The following ZIC2 variants were observed in gnomAD, a reference collection of about 807,000 sequenced individuals.
ZIC2 encodes zinc finger protein ZIC 2.
Under a neutral mutation model 29.5 loss-of-function variants are expected in ZIC2, and 7 were observed. The observed-to-expected ratio is 0.24, with a 90% CI of 0.14 to 0.45. The LOEUF is 0.45. Ranked by LOEUF, ZIC2 falls within the 20% of genes least tolerant of loss-of-function variation. ZIC2 has a pLI of 1.00. For missense variants in ZIC2, 589 were observed against 781.2 expected, an observed-to-expected ratio of 0.75 and a Z score of 2.93; for synonymous variants, 408 against 354.2, an observed-to-expected ratio of 1.15 and a Z score of -1.70.
chr13:99,986,006 G>C lies in ZIC2; in HGVS notation c.*324G>C, dbSNP rs755996440. On this transcript the variant is annotated 3_prime_UTR_variant, in exon 3 of 3. Transcript: ENST00000376335. Reference sequence around the variant, plus strand: ...CCATGCCCACGTTCTTTCCCACCCTGTTCCCAGTCTTCTGACAAACTGTGT... The same window carrying C: ...CCATGCCCACGTTCTTTCCCACCCTCTTCCCAGTCTTCTGACAAACTGTGT... 8 of 454,582 alleles carry C rather than the reference G, an allele frequency of 1.8e-5. No individual in the cohort carries two copies. Among genetic ancestry groups the C allele is most frequent in the South Asian group, 1.3e-4 (8 of 63,926 alleles). 28.2% of individuals were successfully genotyped at this position (454,582 alleles called of 1,614,324 possible). A position where few individuals can be genotyped will look rare whatever the true frequency, so the allele number is the denominator to read the frequency against.
In ZIC2 at chr13:99,982,452, G is replaced by C. The variant is rs1159936957; in HGVS notation, c.388G>C (p.Ala130Pro). ...CCGCAGCCGCGGCTTCGGGGACTCG[G>C]CGCCGGGCGGCGGGCAGCACGGGCT... ...LFRSRGFGDS[A>P]PGGGQHGLFG... The change falls in exon 1 of 3, where the codon GCG becomes CCG. Residue 130 changes from alanine to proline, a missense_variant. Around this residue, in one of 7 missense-constraint regions of ZIC2, gnomAD observed 358 missense variants for 382.0 expected, o/e 0.94. Coordinates refer to ENST00000376335, the MANE Select transcript of ZIC2 (RefSeq NM_007129.5). 1.4e-6 allele frequency: 2 copies of C among 1,429,320 alleles called. No homozygotes were observed. Among genetic ancestry groups the C allele is most frequent in the East Asian group, 5.8e-5 (2 of 34,562 alleles). The allele number at this position is 1,429,320 out of a possible 1,614,324, so 88.5% of individuals were successfully genotyped here. A position where few individuals can be genotyped will look rare whatever the true frequency, so the allele number is the denominator to read the frequency against.
rs2053257624 is a variant in ZIC2 at position 99,985,156 on chromosome 13, G to T, written c.1239+47G>T. The T allele has an allele frequency of 6.2e-7, 1 of 1,612,736 alleles. No homozygotes were observed. Among genetic ancestry groups the T allele is most frequent in the African/African-American group, 1.3e-5 (1 of 74,908 alleles). On this transcript the variant is annotated intron_variant, in intron 2 of 2. Transcript: ENST00000376335. The surrounding 1 kb of genome is among the most constrained non-coding windows in gnomAD (Gnocchi z 6.3). The stretch of plus-strand genomic sequence containing the variant: ...GGAGGGCGAGGCAGGCCGAGGCGCC[G>T]GTGCAGCACTGGCCCGGACCACCTC...
rs770467365 is a variant in ZIC2 at position 99,982,553 on chromosome 13, A to G, written c.489A>G (p.Pro163=). 7.1e-5 allele frequency: 110 copies of G among 1,551,774 alleles called. No individual in the cohort carries two copies. Among genetic ancestry groups the G allele is most frequent in the Non-Finnish European group, 8.4e-5 (97 of 1,152,840 alleles). Residue 163 remains proline (P), a synonymous_variant, in exon 1 of 3, where the codon CCA becomes CCG. Transcript: ENST00000376335. ...AQGHLLFPGL[P]EQHGPHGSQN... ...GCCACCTCCTCTTCCCGGGCCTGCC[A>G]GAGCAGCACGGGCCGCACGGCTCGC...
chr13:99,985,556 C>T lies in ZIC2; in HGVS notation c.1473C>T (p.Gly491=), dbSNP rs1437674634. 10 of 990,880 alleles carry T rather than the reference C, an allele frequency of 1.0e-5. No homozygotes were observed. Among genetic ancestry groups the T allele is most frequent in the Non-Finnish European group, 1.2e-5 (10 of 835,730 alleles). The allele number at this position is 990,880 out of a possible 1,614,324, so 61.4% of individuals were successfully genotyped here. Residue 491 remains glycine (G), a synonymous_variant, in exon 3 of 3, where the codon GGC becomes GGT. Coordinates refer to ENST00000376335, the MANE Select transcript of ZIC2 (RefSeq NM_007129.5). This position sits in a 1 kb window ranked among gnomAD's most constrained non-coding sequence, Gnocchi z 6.3. ...GSGGAGGGSG[G]GSGSGGGGGG... ...GCGGCGCGGGAGGCGGCTCAGGCGG[C>T]GGCAGCGGCAGTGGCGGGGGCGGCG...
rs771187329 is a variant in ZIC2, at chr13:99,983,049, G to A, written c.985G>A (p.Gly329Ser). The change falls in exon 1 of 3, where the codon GGC (glycine) becomes AGC (serine). Residue 329 changes from glycine to serine, a missense_variant. This residue lies in a region of ZIC2 where 33 missense variants were observed against 106.0 expected (regional missense o/e 0.31). Transcript: ENST00000376335. This position sits in a 1 kb window ranked among gnomAD's most constrained non-coding sequence, Gnocchi z 4.7. ...GGTCAACCACATCCGCGTGCACACAGGCGAGAAACCCTTCCCCTGCCCCTT... is the reference window on the plus strand; with the variant it reads ...GGTCAACCACATCCGCGTGCACACAAGCGAGAAACCCTTCCCCTGCCCCTT... ...KLVNHIRVHT[G>S]EKPFPCPFPG... 1 of 1,614,154 alleles carries A rather than the reference G, an allele frequency of 6.2e-7. No individual in the cohort carries two copies. Among genetic ancestry groups the A allele is most frequent in the South Asian group, 1.1e-5 (1 of 91,084 alleles).
Position 99,985,733 on chromosome 13 carries a change from C to T in ZIC2, c.*51C>T, listed in dbSNP as rs544697461. On this transcript the variant is annotated 3_prime_UTR_variant, in exon 3 of 3. Transcript: ENST00000376335. The surrounding 1 kb of genome is among the most constrained non-coding windows in gnomAD (Gnocchi z 6.3). ...CTGTCCCCACCCCAGCGCAGCAGCC[C>T]TCCCCGCAGCTAGCAGCGAGGGCAC... The T allele has an allele frequency of 1.5e-5, 17 of 1,126,946 alleles. No individual in the cohort carries two copies. In the African/African-American group the frequency reaches 2.0e-4, roughly 13 times the overall value. The allele number at this position is 1,126,946 out of a possible 1,614,324, so 69.8% of individuals were successfully genotyped here. A position where few individuals can be genotyped will look rare whatever the true frequency, so the allele number is the denominator to read the frequency against.
rs765889921 is a variant in ZIC2 at position 99,985,466 on chromosome 13, G to GGCGGCGGCT, written c.1392_1400dup (p.Ala468_Ala470dup). The GGCGGCGGCT allele has an allele frequency of 6.7e-6, 9 of 1,343,636 alleles. No homozygotes were observed. Among genetic ancestry groups the GGCGGCGGCT allele is most frequent in the Non-Finnish European group, 5.7e-6 (6 of 1,056,144 alleles). 83.2% of individuals were successfully genotyped at this position (1,343,636 alleles called of 1,614,324 possible). ...TGTCCCCAGCGGCGGCGGCAGCGGC[G>GGCGGCGGCT]GCGGCGGCTGCGGCGGCGGCGGCCG... On this transcript the variant is annotated inframe_insertion, in exon 3 of 3. Transcript: ENST00000376335. The surrounding 1 kb of genome is among the most constrained non-coding windows in gnomAD (Gnocchi z 6.3).
Position 99,983,384 on chromosome 13 carries a change from G to A in ZIC2, c.1075+245G>A, listed in dbSNP as rs901692756. Among the ~76,000 whole-genome samples the A allele has an allele frequency of 5.3e-5, 8 of 152,220 alleles. No individual in the cohort carries two copies. The highest frequency in any genetic ancestry group is 1.9e-4 in the African/African-American group (8 of 41,446). ...TAGCCTCACATCAAATGTATGCTTGGGTCATGCAATTGCTTCGTTTGCTCA... is the reference window on the plus strand; with the variant it reads ...TAGCCTCACATCAAATGTATGCTTGAGTCATGCAATTGCTTCGTTTGCTCA... On this transcript the variant is annotated intron_variant, in intron 1 of 2. Coordinates refer to ENST00000376335, the MANE Select transcript of ZIC2 (RefSeq NM_007129.5). This position sits in a 1 kb window ranked among gnomAD's most constrained non-coding sequence, Gnocchi z 4.7.
Position 99,984,998 on chromosome 13 carries a change from C to T in ZIC2, c.1128C>T (p.Asn376=), listed in dbSNP as rs1355943378. Residue 376 remains asparagine (N), a synonymous_variant, in exon 2 of 3, where the codon AAC becomes AAT. Transcript: ENST00000376335. The part of the protein sequence containing the change: ...EFEGCDRRFA[N]SSDRKKHMHV... ...AGGGCTGCGACCGGCGCTTCGCCAA[C>T]AGCAGCGACAGGAAGAAGCACATGC... is the stretch of plus-strand genomic sequence containing the variant. 1.9e-6 allele frequency: 3 copies of T among 1,614,176 alleles called. No homozygotes were observed. The South Asian group carries it at 3.3e-5, about 18-fold the overall frequency.
Position 99,981,853 on chromosome 13 carries a change from C to A in ZIC2, c.-212C>A. The A allele has an allele frequency of 2.0e-6, 2 of 999,558 alleles. No homozygotes were observed. The highest frequency in any genetic ancestry group is 1.4e-6 in the Non-Finnish European group (1 of 729,710). 61.9% of individuals were successfully genotyped at this position (999,558 alleles called of 1,614,324 possible). On this transcript the variant is annotated 5_prime_UTR_variant, in exon 1 of 3. Transcript: ENST00000376335. ...CGCCTCCTCCTCCTCTTCCTCTCCG[C>A]GCCTTCGCTACGCGCCCGGCCGCCC...
chr13:99,983,419 A>C lies in ZIC2; in HGVS notation c.1075+280A>C, dbSNP rs2053246766. On this transcript the variant is annotated intron_variant, in intron 1 of 2. Transcript: ENST00000376335. The surrounding 1 kb of genome is among the most constrained non-coding windows in gnomAD (Gnocchi z 4.7). ...TTGCTTCGTTTGCTCAGCCCCGGTTAATAATTTCCGTTTTAAGTAGAAAGC... is the reference window on the plus strand; with the variant it reads ...TTGCTTCGTTTGCTCAGCCCCGGTTCATAATTTCCGTTTTAAGTAGAAAGC... Among the ~76,000 whole-genome samples the C allele has an allele frequency of 6.6e-6, 1 of 152,202 alleles. No individual in the cohort carries two copies. Among genetic ancestry groups the C allele is most frequent in the South Asian group, 2.1e-4 (1 of 4,830 alleles).
In ZIC2 at chr13:99,983,528, G is replaced by A. The variant is rs2053247105; in HGVS notation, c.1075+389G>A. 1.3e-5 allele frequency among the ~76,000 whole-genome samples: 2 copies of A among 152,246 alleles called. No individual in the cohort carries two copies. Among genetic ancestry groups the A allele is most frequent in the Middle Eastern group, 3.4e-3 (1 of 294 alleles). ...CCAGCTTGTCTGAATGTGCTTTTCT[G>A]CTCGGAGTGTATGTCTGTCTGAGTG... On this transcript the variant is annotated intron_variant, in intron 1 of 2. Coordinates refer to ENST00000376335, the MANE Select transcript of ZIC2 (RefSeq NM_007129.5). This position sits in a 1 kb window ranked among gnomAD's most constrained non-coding sequence, Gnocchi z 4.7.
At chr13:99,984,222 G>T (rs546711070) in intron 1 of ZIC2, 1 of 153,522 alleles carries the variant, frequency 6.5e-6, no homozygotes, top group East Asian at 1.9e-4. Flanking sequence ...ACCTCTAAAT[G>T]ACTCCAAGCA....
Position 99,981,805 on chromosome 13 carries a change from T to C in ZIC2, c.-260T>C, listed in dbSNP as rs1279195422. ...CTTTGGACTCTTCTCCTCCTCCACC[T>C]CCTCCTCCTCCTCCCGCGCCGCCGC... On this transcript the variant is annotated 5_prime_UTR_variant, in exon 1 of 3. Coordinates refer to ENST00000376335, the MANE Select transcript of ZIC2 (RefSeq NM_007129.5). 2.0e-6 allele frequency: 1 copy of C among 502,270 alleles called. No individual in the cohort carries two copies. 31.1% of individuals were successfully genotyped at this position (502,270 alleles called of 1,614,324 possible).
At chr13:99,984,032 G>A (rs2053249858) in intron 1 of ZIC2, among the ~76,000 whole-genome samples, 2 of 152,388 alleles carry the variant, frequency 1.3e-5, no homozygotes, top group African/African-American at 4.8e-5. Context: ...CGGGAAGGGA[G>A]GGAGCCGAGG....
chr13:99,982,758 C>G lies in ZIC2; in HGVS notation c.694C>G (p.His232Asp). 1 of 1,598,934 alleles carries G rather than the reference C, an allele frequency of 6.3e-7. No individual in the cohort carries two copies. Among genetic ancestry groups the G allele is most frequent in the Non-Finnish European group, 8.5e-7 (1 of 1,176,664 alleles). ...GAACATGGCAGCAGCCGCGGCCCACCACCACCACCACCACCACCACCACCC... is the reference window on the plus strand; with the variant it reads ...GAACATGGCAGCAGCCGCGGCCCACGACCACCACCACCACCACCACCACCC... The part of the protein sequence containing the change: ...GMNMAAAAAH[H>D]HHHHHHHPGA... The change falls in exon 1 of 3, where the codon CAC becomes GAC. Residue 232 changes from histidine (H) to aspartate (D), a missense_variant. Physicochemically the swap from His to Asp is moderately conservative, Grantham distance 81. Coordinates refer to ENST00000376335, the MANE Select transcript of ZIC2 (RefSeq NM_007129.5).
chr13:99,985,310 T>C lies in ZIC2; in HGVS notation c.1240-13T>C, dbSNP rs750879393. On this transcript the variant is annotated splice_polypyrimidine_tract_variant and intron_variant, in intron 2 of 2. Transcript: ENST00000376335. The surrounding 1 kb of genome is among the most constrained non-coding windows in gnomAD (Gnocchi z 6.3). ...GTCCCCTCTGGTCCCCCCTCCCGGC[T>C]TTTGTCTTGCAGGTCCATGAGTCCT... The C allele has an allele frequency of 1.9e-6, 3 of 1,598,520 alleles. No homozygotes were observed. Among genetic ancestry groups the C allele is most frequent in the Non-Finnish European group, 8.5e-7 (1 of 1,179,332 alleles).
chr13:99,984,624 GAGCAA>G (rs2053253925), intron 1 of ZIC2: 1 of 395,352 alleles, frequency 2.5e-6, no homozygotes, highest in African/African-American at 2.1e-5. Flanking sequence ...TCCGTGGCGA[GAGCAA>G]CTTGTTAGAA....
chr13:99,983,069 C>T lies in ZIC2; in HGVS notation c.1005C>T (p.Cys335=), dbSNP rs759594644. 6.2e-7 allele frequency: 1 copy of T among 1,614,132 alleles called. No individual in the cohort carries two copies. Among genetic ancestry groups the T allele is most frequent in the South Asian group, 1.1e-5 (1 of 91,082 alleles). ...ACACAGGCGAGAAACCCTTCCCCTG[C>T]CCCTTCCCGGGCTGTGGCAAAGTCT... The part of the protein sequence containing the change: ...RVHTGEKPFP[C]PFPGCGKVFA... The change falls in exon 1 of 3, where the codon TGC becomes TGT. Residue 335 remains cysteine, a synonymous_variant. Transcript: ENST00000376335. The surrounding 1 kb of genome is among the most constrained non-coding windows in gnomAD (Gnocchi z 4.7).
Sources: allele counts gnomAD v4.1 joint callset (sites outside exome capture counted in the v4.1 genomes callset), GRCh38; gene constraint gnomAD v4.1.1; regional missense constraint gnomAD v4.1.1; non-coding constraint Gnocchi (gnomAD v3.1); transcripts MANE v1.5; gene names NCBI Gene and HGNC (gene_info 2026-07-23, HGNC 2026-07-21).